The following IFT25 variants were observed in gnomAD, a reference collection of about 807,000 sequenced individuals.
The protein encoded by IFT25 is intraflagellar transport 25, also known as intraflagellar transport protein 25 homolog.
chr1:53,929,218 C>A, the IFT25 span, among the ~76,000 whole-genome samples: 1 of 152,178 alleles, frequency 6.6e-6, no homozygotes, highest in Non-Finnish European at 1.5e-5. Flanking sequence ...TCCACTCCCT[C>A]CCTGCTTCAG....
the IFT25 span, among the ~76,000 whole-genome samples, chr1:53,925,888 G>A: frequency 9.0e-3 from 1,357 of 151,478 alleles, 23 homozygotes; most frequent in African/African-American, 0.031. Context: ...ACGATTTGAG[G>A]TCAGGAGTTT....
At chr1:53,935,463 T>C in the IFT25 span, among the ~76,000 whole-genome samples, 1 of 152,168 alleles carries the variant, frequency 6.6e-6, no homozygotes, top group African/African-American at 2.4e-5. Context: ...GTGGGGTTTC[T>C]TTTTGGGATG....
the IFT25 span, among the ~76,000 whole-genome samples, chr1:53,942,830 T>C: frequency 6.6e-6 from 1 of 152,196 alleles, no homozygotes; most frequent in Non-Finnish European, 1.5e-5. Context: ...GGAAGATGAA[T>C]AAGCATGAAA....
the IFT25 span, among the ~76,000 whole-genome samples, chr1:53,937,950 A>AT: frequency 6.6e-6 from 1 of 152,218 alleles, no homozygotes; most frequent in Non-Finnish European, 1.5e-5. Context: ...TGGATATTGA[A>AT]TTTTTTATTC....
At chr1:53,936,365 G>A in the IFT25 span, among the ~76,000 whole-genome samples, 8 of 151,702 alleles carry the variant, frequency 5.3e-5, no homozygotes, top group Admixed American at 3.3e-4. Context: ...CAGGAGAATC[G>A]CTTGAACCCA....
the IFT25 span, among the ~76,000 whole-genome samples, chr1:53,944,145 G>A: frequency 2.6e-5 from 4 of 152,122 alleles, no homozygotes; most frequent in Non-Finnish European, 4.4e-5. Flanking sequence ...AAGTAGAAAC[G>A]GCAGAGACTT....
At chr1:53,938,654 G>A in the IFT25 span, among the ~76,000 whole-genome samples, 1 of 152,176 alleles carries the variant, frequency 6.6e-6, no homozygotes, top group East Asian at 1.9e-4. Flanking sequence ...TAAAATAAAG[G>A]GTTTTGGCAA....
At chr1:53,924,073 G>A in the IFT25 span, 18 of 668,824 alleles carry the variant, frequency 2.7e-5, no homozygotes, top group African/African-American at 1.5e-4. Flanking sequence ...AGGAATCATC[G>A]TTTGCATGTT....
At chr1:53,944,550 CAGG>C in the IFT25 span, among the ~76,000 whole-genome samples, 1 of 152,182 alleles carries the variant, frequency 6.6e-6, no homozygotes, top group African/African-American at 2.4e-5. Context: ...GAGGCTGAGG[CAGG>C]AGAAGCTCCT....
the IFT25 span, chr1:53,940,144 A>G: frequency 1.0e-6 from 1 of 957,170 alleles, no homozygotes; most frequent in African/African-American, 1.6e-5. Context: ...GATTCTCTAA[A>G]CTTTATCTGA....
chr1:53,932,977 A>G, the IFT25 span, among the ~76,000 whole-genome samples: 1 of 152,144 alleles, frequency 6.6e-6, no homozygotes, highest in Non-Finnish European at 1.5e-5. Context: ...TTTCTGCCAA[A>G]TTGTTCTATC....
At chr1:53,930,588 T>G in the IFT25 span, among the ~76,000 whole-genome samples, 1 of 152,162 alleles carries the variant, frequency 6.6e-6, no homozygotes, top group Non-Finnish European at 1.5e-5. Flanking sequence ...TTCTTCCCCT[T>G]GCATAAGTTC....
chr1:53,922,877 C>T, the IFT25 span, among the ~76,000 whole-genome samples: 8 of 152,062 alleles, frequency 5.3e-5, no homozygotes, highest in African/African-American at 1.7e-4. Context: ...AAAATAAATA[C>T]AGTAAAAGTT....
chr1:53,924,902 T>C, the IFT25 span, among the ~76,000 whole-genome samples: 1 of 152,272 alleles, frequency 6.6e-6, no homozygotes, highest in East Asian at 1.9e-4. Flanking sequence ...CATTAAATAA[T>C]GTACACAATG....
the IFT25 span, chr1:53,928,360 T>A: frequency 6.2e-7 from 1 of 1,602,066 alleles, no homozygotes; most frequent in South Asian, 1.1e-5. Context: ...ACAATGCTGG[T>A]GAAACACATA....
At chr1:53,944,891 C>G in the IFT25 span, among the ~76,000 whole-genome samples, 1 of 152,280 alleles carries the variant, frequency 6.6e-6, no homozygotes, top group East Asian at 1.9e-4. Flanking sequence ...CCTTCTTTCC[C>G]CAAACCTCTT....
the IFT25 span, among the ~76,000 whole-genome samples, chr1:53,931,064 G>A: frequency 6.6e-6 from 1 of 152,042 alleles, no homozygotes; most frequent in South Asian, 2.1e-4. Context: ...GAACATTTCC[G>A]TGACTCCAGA....
At chr1:53,913,223 G>A in the IFT25 span, among the ~76,000 whole-genome samples, 32 of 152,276 alleles carry the variant, frequency 2.1e-4, no homozygotes, top group South Asian at 6.6e-3. Flanking sequence ...CTACTTCTCC[G>A]GTGCCAGTCA....
At chr1:53,930,801 A>T in the IFT25 span, among the ~76,000 whole-genome samples, 1 of 152,166 alleles carries the variant, frequency 6.6e-6, no homozygotes, top group East Asian at 1.9e-4. Flanking sequence ...ACAATGGCTC[A>T]CCCATAGTAG....
Sources: allele counts gnomAD v4.1 joint callset (sites outside exome capture counted in the v4.1 genomes callset), GRCh38; gene constraint gnomAD v4.1.1; transcripts MANE v1.5; gene names NCBI Gene and HGNC (gene_info 2026-07-23, HGNC 2026-07-21).